Variants in SEPTIN9 observed in about 807,000 individuals in gnomAD.
SEPTIN9 encodes septin-9.
In SEPTIN9, 13 loss-of-function variants were observed where a neutral mutation model predicts 56.6. That is an observed-to-expected ratio of 0.23 (90% CI 0.15 to 0.37). The LOEUF is 0.37. Among genes scored for constraint, SEPTIN9 ranks in the 10% least tolerant of loss-of-function variants. The pLI is 1.00. For synonymous variants in SEPTIN9, 332 were observed against 334.1 expected (o/e 0.99, Z 0.07); for missense variants, 650 against 823.1 (o/e 0.79, Z 2.57).
chr17:77,470,530 C>T lies in SEPTIN9; in HGVS notation c.722-11614C>T, dbSNP rs111617633. ...TCTACTCATCCACTCATCCATCTAT[C>T]CACTCATCCACCAATTCACTCATCC... On this transcript the variant is annotated intron_variant, in intron 3 of 11. Transcript: ENST00000427177. Among the ~76,000 whole-genome samples the T allele has an allele frequency of 2.5e-3, 377 of 152,302 alleles. 2 individuals are homozygous for T. The highest frequency in any genetic ancestry group is 8.7e-3 in the African/African-American group (360 of 41,554).
In SEPTIN9 at chr17:77,316,928, T is replaced by C. The variant is rs1469651883; in HGVS notation, c.76+9731T>C. 2.6e-5 allele frequency among the ~76,000 whole-genome samples: 4 copies of C among 152,136 alleles called. No homozygotes were observed. In the East Asian group the frequency reaches 7.7e-4, roughly 29 times the overall value. On this transcript the variant is annotated intron_variant, in intron 2 of 11. Coordinates refer to ENST00000427177, the MANE Select transcript of SEPTIN9 (RefSeq NM_001113491.2). Reference sequence around the variant, plus strand: ...TCTAAACTCAATACAAAGAAAGATATTACATTTATAATCAGAAAAACCAAC... The same window carrying C: ...TCTAAACTCAATACAAAGAAAGATACTACATTTATAATCAGAAAAACCAAC...
chr17:77,331,915 G>T (rs1406696071), intron 2 of SEPTIN9, among the ~76,000 whole-genome samples: 1 of 152,128 alleles, frequency 6.6e-6, no homozygotes, highest in Non-Finnish European at 1.5e-5. Flanking sequence ...TCCTATTTTT[G>T]GTTGATAGGT....
intron 3 of SEPTIN9, chr17:77,444,948 G>C (rs1352982255): frequency 2.7e-6 from 1 of 366,414 alleles, no homozygotes; most frequent in East Asian, 7.6e-5. Context: ...GCTTGTTTTT[G>C]AGATTGGGGC....
At chr17:77,439,648 G>A (rs1303821899) in intron 3 of SEPTIN9, among the ~76,000 whole-genome samples, 1 of 152,056 alleles carries the variant, frequency 6.6e-6, no homozygotes, top group Non-Finnish European at 1.5e-5. Flanking sequence ...TAACTGCTGT[G>A]ATCTTTCTGT....
intron 3 of SEPTIN9, among the ~76,000 whole-genome samples, chr17:77,467,716 G>A (rs958944592): frequency 1.3e-5 from 2 of 152,218 alleles, no homozygotes; most frequent in African/African-American, 4.8e-5. Context: ...CCGCGGAGAC[G>A]CCGTGGGAAA....
intron 10 of SEPTIN9, among the ~76,000 whole-genome samples, chr17:77,495,963 TG>T (rs2040239809): frequency 6.6e-6 from 1 of 152,186 alleles, no homozygotes; most frequent in African/African-American, 2.4e-5. Flanking sequence ...TTATGCACTG[TG>T]GAGCTGAGAC....
chr17:77,307,570 G>T (rs180888128), intron 2 of SEPTIN9, among the ~76,000 whole-genome samples: 25 of 152,308 alleles, frequency 1.6e-4, no homozygotes, highest in African/African-American at 6.0e-4. Context: ...CTCGGTGTTG[G>T]TTCAGTATCT....
At chr17:77,397,453 A>G (rs1170646824) in intron 2 of SEPTIN9, among the ~76,000 whole-genome samples, 1 of 151,850 alleles carries the variant, frequency 6.6e-6, no homozygotes, top group East Asian at 1.9e-4. Context: ...ATCTGCAAAG[A>G]CCCTTTTTCC....
intron 2 of SEPTIN9, among the ~76,000 whole-genome samples, chr17:77,387,290 C>T (rs1252695456): frequency 6.6e-6 from 1 of 152,250 alleles, no homozygotes; most frequent in African/African-American, 2.4e-5. Flanking sequence ...ACGCCACTCC[C>T]TGCTCCGTCT....
At chr17:77,353,755 T>A (rs758352770) in intron 2 of SEPTIN9, among the ~76,000 whole-genome samples, 1 of 152,218 alleles carries the variant, frequency 6.6e-6, no homozygotes, top group African/African-American at 2.4e-5. Flanking sequence ...GGCAGCTTCC[T>A]GTGGAAACAG....
chr17:77,281,625 G>T (rs772038712), intron 1 of SEPTIN9, 71 bp downstream of exon 1: 14 of 1,427,772 alleles, frequency 9.8e-6, no homozygotes, highest in Non-Finnish European at 1.3e-5. Flanking sequence ...AGTGCCTGCG[G>T]CCGGGAGTGG....
At position 77,450,783 on chromosome 17, in the gene SEPTIN9, C is replaced by T; in HGVS notation, c.722-31361C>T. 1.0e-6 allele frequency: 1 copy of T among 986,360 alleles called. No individual in the cohort carries two copies. The highest frequency in any genetic ancestry group is 1.2e-6 in the Non-Finnish European group (1 of 830,692). 61.1% of individuals were successfully genotyped at this position (986,360 alleles called of 1,614,324 possible). A position where few individuals can be genotyped will look rare whatever the true frequency, so the allele number is the denominator to read the frequency against. ...TCCAGAGGCTCTCGGAGGAAGAGCT[C>T]AGGGTGAGCTGCGCCCCCATCCCCT... is the stretch of plus-strand genomic sequence containing the variant. On this transcript the variant is annotated intron_variant, in intron 3 of 11. Coordinates refer to ENST00000427177, the MANE Select transcript of SEPTIN9 (RefSeq NM_001113491.2). The surrounding 1 kb of genome is among the most constrained non-coding windows in gnomAD (Gnocchi z 6.0).
chr17:77,335,372 A>G (rs34040733), intron 2 of SEPTIN9, among the ~76,000 whole-genome samples: 144 of 114,622 alleles, frequency 1.3e-3, no homozygotes, highest in South Asian at 2.3e-3. Flanking sequence ...ATATATACAT[A>G]TAGGCCCCGT....
chr17:77,283,160 CTTTTT>C (rs33965677), intron 1 of SEPTIN9, among the ~76,000 whole-genome samples: 1 of 132,358 alleles, frequency 7.6e-6, no homozygotes, highest in African/African-American at 2.9e-5. Flanking sequence ...CACTGGGTTT[CTTTTT>C]TTTTTTTTTT....
At position 77,449,751 on chromosome 17, in the gene SEPTIN9, A is replaced by G. The variant is rs1319496120; in HGVS notation, c.722-32393A>G. ...CTGGGCTGCAGACAGTGGAAAAGAC[A>G]GGCTCTTCTCACTCCCAGTGCTGGG... On this transcript the variant is annotated intron_variant, in intron 3 of 11. Transcript: ENST00000427177. This position sits in a 1 kb window ranked among gnomAD's most constrained non-coding sequence, Gnocchi z 4.6. Among the ~76,000 whole-genome samples the G allele has an allele frequency of 2.0e-5, 3 of 152,038 alleles. No individual in the cohort carries two copies. Among genetic ancestry groups the G allele is most frequent in the East Asian group, 1.9e-4 (1 of 5,166 alleles).
chr17:77,471,653 A>T (rs2039001491), intron 3 of SEPTIN9, among the ~76,000 whole-genome samples: 2 of 152,132 alleles, frequency 1.3e-5, no homozygotes, highest in Admixed American at 1.3e-4. Context: ...CATCCCTGAT[A>T]AGAGGAAATT....
In SEPTIN9 at chr17:77,435,857, T is replaced by C. The variant is rs1158195835; in HGVS notation, c.721+33154T>C. On this transcript the variant is annotated intron_variant, in intron 3 of 11. Transcript: ENST00000427177. This position sits in a 1 kb window ranked among gnomAD's most constrained non-coding sequence, Gnocchi z 4.5. ...CACTGCGGGATCTGGAGGCCTTTGC[T>C]CCTGAGCCCTGCCTCTGTGTAATCC... 6.6e-6 allele frequency among the ~76,000 whole-genome samples: 1 copy of C among 152,192 alleles called. No individual in the cohort carries two copies. Among genetic ancestry groups the C allele is most frequent in the Non-Finnish European group, 1.5e-5 (1 of 68,038 alleles).
chr17:77,400,434 C>T lies in SEPTIN9; in HGVS notation c.77-1625C>T, dbSNP rs1323550269. 1 of 152,178 alleles carries T rather than the reference C, an allele frequency of 6.6e-6. No homozygotes were observed. Among genetic ancestry groups the T allele is most frequent in the African/African-American group, 2.4e-5 (1 of 41,420 alleles). 9.4% of individuals were successfully genotyped at this position (152,178 alleles called of 1,614,324 possible). A position where few individuals can be genotyped will look rare whatever the true frequency, so the allele number is the denominator to read the frequency against. ...TGAGCTTAGTGACCCAGGATTTCGTCTGTGTCCACCAAGAAGGAGAGGTGC... is the reference window on the plus strand; with the variant it reads ...TGAGCTTAGTGACCCAGGATTTCGTTTGTGTCCACCAAGAAGGAGAGGTGC... On this transcript the variant is annotated intron_variant, in intron 2 of 11. Transcript: ENST00000427177. The surrounding 1 kb of genome is among the most constrained non-coding windows in gnomAD (Gnocchi z 4.1).
chr17:77,427,414 A>G (rs1224050042), intron 3 of SEPTIN9, among the ~76,000 whole-genome samples: 2 of 152,222 alleles, frequency 1.3e-5, no homozygotes, highest in Non-Finnish European at 2.9e-5. Flanking sequence ...TGAGTTCCAG[A>G]AGCAACACAA....
Sources: gnomAD v4.1 joint callset for allele counts (sites outside exome capture counted in the v4.1 genomes callset) on GRCh38, gnomAD v4.1.1 for gene constraint, Gnocchi (gnomAD v3.1) non-coding constraint, MANE v1.5 for transcripts, NCBI Gene and HGNC (gene_info 2026-07-23, HGNC 2026-07-21) for gene names.